ATP8A2: variants seen among roughly 807,000 people sequenced by gnomAD.
The protein encoded by ATP8A2 is phospholipid-transporting ATPase IB.
Under a neutral mutation model 165.6 loss-of-function variants are expected in ATP8A2, and 100 were observed. That is an observed-to-expected ratio of 0.60 (90% CI 0.51 to 0.71). ATP8A2 has a LOEUF of 0.71. ATP8A2 is among the 30% of genes least tolerant of loss of function. The pLI, the probability that ATP8A2 is intolerant of heterozygous loss-of-function variation, is 0.00. For missense variants in ATP8A2, 1,227 were observed against 1,479.5 expected, an observed-to-expected ratio of 0.83 and a Z score of 2.80; for synonymous variants, 543 against 548.8, an observed-to-expected ratio of 0.99 and a Z score of 0.15.
At chr13:25,451,799 A>G (rs191592820) in intron 1 of ATP8A2, among the ~76,000 whole-genome samples, 11 of 151,952 alleles carry the variant, frequency 7.2e-5, no homozygotes, top group Admixed American at 5.9e-4. Context: ...ATCTCAATGT[A>G]GAGTTTAAAA....
intron 24 of ATP8A2, among the ~76,000 whole-genome samples, chr13:25,659,392 A>G (rs148869995): frequency 1.4e-3 from 215 of 152,306 alleles, no homozygotes; most frequent in African/African-American, 4.8e-3. Context: ...TTTGAGGCCA[A>G]CTGCATGCCA....
intron 6 of ATP8A2, 143 bp downstream of exon 6, chr13:25,533,456 C>T (rs1488659603): frequency 3.9e-6 from 2 of 512,738 alleles, no homozygotes; most frequent in Non-Finnish European, 6.9e-6. Flanking sequence ...CGTGTTTACT[C>T]CTTCCCTTGC....
At chr13:25,973,293 G>A (rs1368594479) in intron 35 of ATP8A2, among the ~76,000 whole-genome samples, 1 of 152,144 alleles carries the variant, frequency 6.6e-6, no homozygotes, top group Non-Finnish European at 1.5e-5. Flanking sequence ...ATCTGTGCGT[G>A]GCCCTGTGAC....
chr13:25,482,703 G>A lies in ATP8A2; in HGVS notation c.221+13582G>A, dbSNP rs189020696. The stretch of plus-strand genomic sequence containing the variant: ...TGGGAAATGATTGAATCATGGGGGC[G>A]GTTTCCCCCATACTATTCTCGTGGT... On this transcript the variant is annotated intron_variant, in intron 2 of 36. Transcript: ENST00000381655. Among the ~76,000 whole-genome samples the A allele has an allele frequency of 7.9e-5, 12 of 152,226 alleles. No homozygotes were observed. The East Asian group carries it at 1.5e-3, about 20-fold the overall frequency.
chr13:25,852,967 T>C (rs187183704), intron 30 of ATP8A2, among the ~76,000 whole-genome samples: 1 of 152,208 alleles, frequency 6.6e-6, no homozygotes, highest in Non-Finnish European at 1.5e-5. Context: ...TGACTTCTCT[T>C]TGCTGCACCA....
At chr13:25,705,476 T>A (rs1483929918) in intron 25 of ATP8A2, 1 of 161,450 alleles carries the variant, frequency 6.2e-6, no homozygotes, top group East Asian at 1.9e-4. Context: ...ATGTGCAAAT[T>A]AAGGGTTTCC....
At chr13:25,418,114 A>G (rs780424062) in intron 1 of ATP8A2, among the ~76,000 whole-genome samples, 7 of 152,196 alleles carry the variant, frequency 4.6e-5, no homozygotes, top group Admixed American at 6.5e-5. Context: ...CAGGAAGCCC[A>G]TTAATTCTCC....
At chr13:25,548,339 A>G (rs1469754768) in intron 10 of ATP8A2, among the ~76,000 whole-genome samples, 3 of 152,202 alleles carry the variant, frequency 2.0e-5, no homozygotes, top group East Asian at 3.8e-4. Context: ...CAAAGTGCAC[A>G]TGTTGAAGCT....
chr13:25,522,157 A>G (rs150843994), intron 2 of ATP8A2, among the ~76,000 whole-genome samples: 14 of 152,252 alleles, frequency 9.2e-5, no homozygotes, highest in African/African-American at 3.1e-4. Context: ...CAGTGTATTA[A>G]TAGTTTTTCT....
chr13:25,551,215 T>A, intron 10 of ATP8A2, 123 bp from the exon 11 acceptor site: 1 of 916,134 alleles, frequency 1.1e-6, no homozygotes, highest in Non-Finnish European at 1.7e-6. Context: ...GCATTGATTA[T>A]TTGGCAAAAA....
chr13:25,929,720 G>A (rs975574312), intron 33 of ATP8A2, among the ~76,000 whole-genome samples: 9 of 152,042 alleles, frequency 5.9e-5, no homozygotes, highest in Non-Finnish European at 1.3e-4. Flanking sequence ...AGATGTGGTG[G>A]CGCTGCACCT....
intron 1 of ATP8A2, among the ~76,000 whole-genome samples, chr13:25,412,026 T>A (rs539513603): frequency 1.2e-4 from 19 of 152,312 alleles, no homozygotes; most frequent in African/African-American, 4.3e-4. Context: ...TCTTTTTAGC[T>A]GTAAAGATTT....
At chr13:25,971,703 C>A (rs7320435) in intron 35 of ATP8A2, among the ~76,000 whole-genome samples, 1 of 151,910 alleles carries the variant, frequency 6.6e-6, no homozygotes, top group African/African-American at 2.4e-5. Context: ...CACAAAGTGG[C>A]CACAGAGAGA....
At chr13:25,903,522 G>A (rs1410669680) in intron 33 of ATP8A2, among the ~76,000 whole-genome samples, 2 of 152,140 alleles carry the variant, frequency 1.3e-5, no homozygotes, top group Non-Finnish European at 2.9e-5. Flanking sequence ...GAAACTTGCC[G>A]TGGCTTCTGG....
intron 24 of ATP8A2, among the ~76,000 whole-genome samples, chr13:25,630,939 G>T (rs1283329283): frequency 1.3e-5 from 2 of 152,114 alleles, no homozygotes; most frequent in African/African-American, 4.8e-5. Context: ...GATTAAGTCT[G>T]GTTCAAAGGC....
chr13:25,485,250 A>G (rs1196085452), intron 2 of ATP8A2, among the ~76,000 whole-genome samples: 1 of 152,248 alleles, frequency 6.6e-6, no homozygotes, highest in African/African-American at 2.4e-5. Flanking sequence ...AAGATTAGAC[A>G]TAGCAGAGGA....
chr13:25,873,182 A>G (rs1952724192), intron 33 of ATP8A2, among the ~76,000 whole-genome samples: 1 of 152,202 alleles, frequency 6.6e-6, no homozygotes, highest in Non-Finnish European at 1.5e-5. Flanking sequence ...CTTCTATTTT[A>G]GTCACTCATC....
chr13:25,616,903 C>A (rs2040841703), intron 24 of ATP8A2, among the ~76,000 whole-genome samples: 1 of 152,162 alleles, frequency 6.6e-6, no homozygotes, highest in South Asian at 2.1e-4. Flanking sequence ...ACACGTGTGG[C>A]AGCTGCTGCC....
At chr13:25,761,167 A>C (rs1463836208) in intron 25 of ATP8A2, among the ~76,000 whole-genome samples, 1 of 152,198 alleles carries the variant, frequency 6.6e-6, no homozygotes, top group Non-Finnish European at 1.5e-5. Context: ...TTATCAAAAC[A>C]TACATGTTTC....
Sources: allele counts gnomAD v4.1 joint callset (sites outside exome capture counted in the v4.1 genomes callset), GRCh38; gene constraint gnomAD v4.1.1; transcripts MANE v1.5; gene names NCBI Gene and HGNC (gene_info 2026-07-23, HGNC 2026-07-21).